STPG2: variants seen among roughly 807,000 people sequenced by gnomAD.
STPG2 encodes the protein sperm-tail PG-rich repeat-containing protein 2.
STPG2 carries 56 observed loss-of-function variants against 54.2 expected under a neutral mutation model. The observed-to-expected ratio is 1.03, with a 90% CI of 0.83 to 1.29. The LOEUF is 1.29. Ranked by LOEUF, STPG2 falls within the 50% of genes most tolerant of loss-of-function variation. The pLI, the probability that STPG2 is intolerant of heterozygous loss-of-function variation, is 0.00. For missense variants in STPG2, 596 were observed against 544.9 expected (o/e 1.09, Z -0.93); for synonymous variants, 200 against 181.8 (o/e 1.10, Z -0.81).
chr4:97,952,769 G>A lies in STPG2; in HGVS notation c.934-8762C>T, dbSNP rs572030595. 3.9e-5 allele frequency among the ~76,000 whole-genome samples: 6 copies of A among 152,276 alleles called. No homozygotes were observed. The South Asian group carries it at 1.2e-3, about 32-fold the overall frequency. ...ATGCTGGTGGTGGTAGTAATGAACT[G>A]GTCACATGGACAGACTCAGGACCTC... On this transcript the variant is annotated intron_variant, in intron 7 of 10. Coordinates refer to ENST00000295268, the MANE Select transcript of STPG2 (RefSeq NM_174952.3).
chr4:97,667,912 A>AT (rs1348590132), intron 10 of STPG2, among the ~76,000 whole-genome samples: 2 of 152,180 alleles, frequency 1.3e-5, no homozygotes, highest in Admixed American at 6.5e-5. Flanking sequence ...CCTTTTTTAC[A>AT]TAAAAGAAAA....
At chr4:97,727,691 G>A (rs1176495761) in intron 9 of STPG2, among the ~76,000 whole-genome samples, 1 of 150,344 alleles carries the variant, frequency 6.7e-6, no homozygotes. Flanking sequence ...AATACAGCTT[G>A]TGCATTTCCA....
intron 5 of STPG2, among the ~76,000 whole-genome samples, chr4:97,999,010 A>AT (rs919584788): frequency 8.8e-5 from 12 of 135,604 alleles, no homozygotes; most frequent in East Asian, 8.3e-4. Flanking sequence ...TTCTATTTGT[A>AT]TTTTTTTTTC....
chr4:97,472,244 T>C (rs989880314), intron 4 of STPG2, among the ~76,000 whole-genome samples: 1 of 152,164 alleles, frequency 6.6e-6, no homozygotes, highest in African/African-American at 2.4e-5. Context: ...AGTGTTATGG[T>C]AGGAAAATCT....
At chr4:98,106,096 C>A in intron 4 of STPG2, 32 bp from the exon 5 acceptor site, 1 of 1,311,854 alleles carries the variant, frequency 7.6e-7, no homozygotes, top group Non-Finnish European at 1.0e-6. Flanking sequence ...ATTAAGAATT[C>A]TCAATTTTAA....
intron 4 of STPG2, among the ~76,000 whole-genome samples, chr4:97,546,139 T>A (rs1731828854): frequency 6.6e-6 from 1 of 151,832 alleles, no homozygotes; most frequent in African/African-American, 2.4e-5. Context: ...ACTACTACAC[T>A]CATAAGGAAA....
intron 10 of STPG2, among the ~76,000 whole-genome samples, chr4:97,640,127 G>A (rs189975306): frequency 1.3e-3 from 198 of 152,100 alleles, no homozygotes; most frequent in Middle Eastern, 6.8e-3. Flanking sequence ...CCAGTAGAAA[G>A]GCATGTTTAT....
At chr4:98,014,507 C>A (rs536535569) in intron 5 of STPG2, among the ~76,000 whole-genome samples, 1 of 152,064 alleles carries the variant, frequency 6.6e-6, no homozygotes, top group Non-Finnish European at 1.5e-5. Context: ...TGGATGGGAG[C>A]CTCCCATCAC....
intron 9 of STPG2, among the ~76,000 whole-genome samples, chr4:97,741,351 G>T: frequency 6.6e-6 from 1 of 151,962 alleles, no homozygotes; most frequent in East Asian, 1.9e-4. Context: ...ACAAAAGCCA[G>T]AATTGACAAA....
rs541386854 is a variant in STPG2, at chr4:97,866,073, A to C, written c.1045-25141T>G. 1.2e-4 allele frequency among the ~76,000 whole-genome samples: 18 copies of C among 152,032 alleles called. 1 individual carries two copies. In the South Asian group the frequency reaches 3.5e-3, roughly 30 times the overall value. Reference sequence around the variant, plus strand: ...TTGAACTCATGGAGATTTCAAGTAAAACAATGGTTACCAGAGGCCAAGAAG... The same window carrying C: ...TTGAACTCATGGAGATTTCAAGTAACACAATGGTTACCAGAGGCCAAGAAG... On this transcript the variant is annotated intron_variant, in intron 8 of 10. Transcript: ENST00000295268.
chr4:97,815,240 G>A (rs1727871848), intron 9 of STPG2, among the ~76,000 whole-genome samples: 1 of 152,140 alleles, frequency 6.6e-6, no homozygotes, highest in Middle Eastern at 3.2e-3. Flanking sequence ...GTGTATGTGT[G>A]TGCATGCGTG....
chr4:97,467,324 G>C (rs182340876), intron 4 of STPG2, among the ~76,000 whole-genome samples: 37 of 151,560 alleles, frequency 2.4e-4, no homozygotes, highest in African/African-American at 8.9e-4. Context: ...TTTAAATTGG[G>C]TAAAAAGCAT....
intron 9 of STPG2, among the ~76,000 whole-genome samples, chr4:97,715,318 C>T (rs1724252394): frequency 6.6e-6 from 1 of 152,104 alleles, no homozygotes; most frequent in Non-Finnish European, 1.5e-5. Flanking sequence ...AAGAAAACTT[C>T]TCATTCCAAA....
chr4:97,565,120 G>A (rs1732390195), intron 10 of STPG2, among the ~76,000 whole-genome samples: 1 of 152,084 alleles, frequency 6.6e-6, no homozygotes, highest in Non-Finnish European at 1.5e-5. Context: ...TTTCTTGGAG[G>A]CTTTGTTCGT....
chr4:97,563,450 C>T (rs1410195553), intron 10 of STPG2, among the ~76,000 whole-genome samples: 1 of 152,108 alleles, frequency 6.6e-6, no homozygotes, highest in Non-Finnish European at 1.5e-5. Flanking sequence ...CAGTTCTGCT[C>T]TGATTTTAGT....
intron 4 of STPG2, among the ~76,000 whole-genome samples, chr4:97,495,249 A>G (rs569682918): frequency 6.6e-6 from 1 of 151,364 alleles, no homozygotes; most frequent in Admixed American, 6.6e-5. Context: ...TATTCCTAGT[A>G]GTTTATCCCT....
intron 10 of STPG2, among the ~76,000 whole-genome samples, chr4:97,635,659 A>T (rs1276909883): frequency 6.6e-6 from 1 of 152,212 alleles, no homozygotes; most frequent in Non-Finnish European, 1.5e-5. Context: ...TACGAAGCAA[A>T]TGGAAAACAA....
intron 4 of STPG2, among the ~76,000 whole-genome samples, chr4:97,534,652 A>C (rs909975759): frequency 6.6e-6 from 1 of 152,160 alleles, no homozygotes; most frequent in Non-Finnish European, 1.5e-5. Flanking sequence ...ACATACATTA[A>C]ACTTTACCCT....
intron 10 of STPG2, among the ~76,000 whole-genome samples, chr4:97,658,288 A>T (rs1722274546): frequency 6.6e-6 from 1 of 152,236 alleles, no homozygotes; most frequent in South Asian, 2.1e-4. Flanking sequence ...AATTTCAGCC[A>T]TTGTCCTCTA....
Sources: gnomAD v4.1 joint callset for allele counts (sites outside exome capture counted in the v4.1 genomes callset) on GRCh38, gnomAD v4.1.1 for gene constraint, MANE v1.5 for transcripts, NCBI Gene and HGNC (gene_info 2026-07-23, HGNC 2026-07-21) for gene names.